Variants in ZNF738 observed in about 807,000 individuals in gnomAD.
ZNF738 encodes zinc finger protein 738, also known as protein ZNF738.
In ZNF738, 10 loss-of-function variants were observed where a neutral mutation model predicts 9.2. The ratio of observed to expected loss-of-function variants is 1.09; its 90% CI spans 0.67 to 1.85. ZNF738 has a LOEUF of 1.85. Among genes scored for constraint, ZNF738 ranks in the 40% most tolerant of loss-of-function variants. The probability of loss-of-function intolerance (pLI) is 0.00; values close to 1 mark genes in which losing one functional copy is unlikely to be tolerated. For missense variants in ZNF738, 346 were observed against 283.6 expected, an observed-to-expected ratio of 1.22 and a Z score of -1.58; for synonymous variants, 113 against 94.5, an observed-to-expected ratio of 1.20 and a Z score of -1.14.
At chr19:21,369,798 A>G (rs1973833082) in intron 2 of ZNF738, among the ~76,000 whole-genome samples, 1 of 150,356 alleles carries the variant, frequency 6.7e-6, no homozygotes, top group African/African-American at 2.4e-5. Context: ...GGGGCAATGT[A>G]ATGCTTCCAG....
chr19:21,366,551 A>T (rs577571971), intron 2 of ZNF738, among the ~76,000 whole-genome samples: 1 of 152,208 alleles, frequency 6.6e-6, no homozygotes, highest in African/African-American at 2.4e-5. Flanking sequence ...GTCTTGATCC[A>T]TACCCCAAGA....
rs1974039140 is a variant in ZNF738, at chr19:21,384,123, C to T, written c.*449C>T. 6.7e-7 allele frequency: 1 copy of T among 1,496,368 alleles called. No individual in the cohort carries two copies. Among genetic ancestry groups the T allele is most frequent in the East Asian group, 2.3e-5 (1 of 43,948 alleles). The allele number at this position is 1,496,368 out of a possible 1,614,324, so 92.7% of individuals were successfully genotyped here. A position where few individuals can be genotyped will look rare whatever the true frequency, so the allele number is the denominator to read the frequency against. The stretch of plus-strand genomic sequence containing the variant: ...CAAAGCTTTCTACCGATTATCTTAT[C>T]TTACTACACATAAGATGATTCATAC... On this transcript the variant is annotated 3_prime_UTR_variant, in exon 5 of 5. Coordinates refer to ENST00000683779, the MANE Select transcript of ZNF738 (RefSeq NM_001355237.2).
intron 4 of ZNF738, chr19:21,381,849 G>A (rs1448796386): frequency 3.6e-6 from 1 of 281,348 alleles, no homozygotes; most frequent in Non-Finnish European, 7.2e-6. Flanking sequence ...GTCAGGGTGA[G>A]GGCGGCCTGG....
Position 21,365,956 on chromosome 19 carries a change from C to CA in ZNF738, c.96+4110dup, listed in dbSNP as rs34286707. On this transcript the variant is annotated intron_variant, in intron 2 of 4. Coordinates refer to ENST00000683779, the MANE Select transcript of ZNF738 (RefSeq NM_001355237.2). ...TGGGTGACAGAGGGAGACTCCATCT[C>CA]AAAAAAAAAAAAGAATAGGAAACAT... 3.0e-3 allele frequency among the ~76,000 whole-genome samples: 425 copies of CA among 143,446 alleles called. 3 individuals are homozygous for CA. Among genetic ancestry groups the CA allele is most frequent in the South Asian group, 3.8e-3 (17 of 4,516 alleles). The allele number at this position is 143,446 out of a possible 152,430, so 94.1% of individuals were successfully genotyped here. A position where few individuals can be genotyped will look rare whatever the true frequency, so the allele number is the denominator to read the frequency against.
At chr19:21,369,587 T>C (rs1380420089) in intron 2 of ZNF738, among the ~76,000 whole-genome samples, 10 of 152,240 alleles carry the variant, frequency 6.6e-5, no homozygotes. Context: ...AGTTTCAATC[T>C]TCTACATAGT....
chr19:21,367,968 C>T (rs1426439840), intron 2 of ZNF738, among the ~76,000 whole-genome samples: 2 of 152,204 alleles, frequency 1.3e-5, no homozygotes, highest in East Asian at 1.9e-4. Context: ...TTATGGAGCA[C>T]CTGTTCATAA....
chr19:21,361,777 G>A lies in ZNF738; in HGVS notation c.15G>A (p.Arg5=), dbSNP rs1410022579. 3.8e-6 allele frequency: 3 copies of A among 780,762 alleles called. No homozygotes were observed. Among genetic ancestry groups the A allele is most frequent in the Non-Finnish European group, 7.2e-6 (3 of 417,994 alleles). The allele number at this position is 780,762 out of a possible 1,614,324, so 48.4% of individuals were successfully genotyped here. A position where few individuals can be genotyped will look rare whatever the true frequency, so the allele number is the denominator to read the frequency against. MDDL[R]YGVYPVKGAS... The stretch of plus-strand genomic sequence containing the variant: ...ATTTTCTCCCATAGGACGACCTGAG[G>A]TATGGAGTGTATCCTGTCAAGGGGG... The change falls in exon 2 of 5, where the codon AGG becomes AGA. Residue 5 remains arginine (R), a synonymous_variant. Transcript: ENST00000683779.
chr19:21,365,021 G>A (rs1158951127), intron 2 of ZNF738, among the ~76,000 whole-genome samples: 2 of 149,154 alleles, frequency 1.3e-5, no homozygotes, highest in Non-Finnish European at 3.0e-5. Context: ...GCCTCCCAAA[G>A]TGCTGGGATT....
intron 2 of ZNF738, among the ~76,000 whole-genome samples, chr19:21,371,225 AG>A (rs1184802475): frequency 6.6e-6 from 1 of 152,208 alleles, no homozygotes; most frequent in Non-Finnish European, 1.5e-5. Context: ...CCACCAAGGC[AG>A]TTCCATTTTC....
rs1195637263 is a variant in ZNF738, at chr19:21,384,535, C to G, written c.*861C>G. Among the ~76,000 whole-genome samples, 1 of 148,772 alleles carries G rather than the reference C, an allele frequency of 6.7e-6. No homozygotes were observed. Among genetic ancestry groups the G allele is most frequent in the Non-Finnish European group, 1.5e-5 (1 of 67,100 alleles). On this transcript the variant is annotated 3_prime_UTR_variant, in exon 5 of 5. Coordinates refer to ENST00000683779, the MANE Select transcript of ZNF738 (RefSeq NM_001355237.2). ...GAAAGTGGCAAAGCTTTTAACTGTT[C>G]CTCACAAATTACTAGACATAAGATA... is the stretch of plus-strand genomic sequence containing the variant.
Position 21,384,673 on chromosome 19 carries a change from G to A in ZNF738, c.*999G>A, listed in dbSNP as rs1030637485. On this transcript the variant is annotated 3_prime_UTR_variant, in exon 5 of 5. Transcript: ENST00000683779. Reference sequence around the variant, plus strand: ...CATACTGGAGAGAAACCCTACAAATGTGAAGAATGTGGAAAAGCTTTTAAC... The same window carrying A: ...CATACTGGAGAGAAACCCTACAAATATGAAGAATGTGGAAAAGCTTTTAAC... Among the ~76,000 whole-genome samples the A allele has an allele frequency of 1.4e-5, 2 of 146,106 alleles. No individual in the cohort carries two copies. The highest frequency in any genetic ancestry group is 2.5e-5 in the African/African-American group (1 of 39,562).
At chr19:21,363,257 C>G (rs992756983) in intron 2 of ZNF738, among the ~76,000 whole-genome samples, 2 of 152,096 alleles carry the variant, frequency 1.3e-5, no homozygotes, top group Non-Finnish European at 2.9e-5. Context: ...ATTTTTCAAA[C>G]AACTTAGTTT....
chr19:21,373,553 T>C (rs1973883572), intron 2 of ZNF738, among the ~76,000 whole-genome samples: 1 of 152,324 alleles, frequency 6.6e-6, no homozygotes, highest in East Asian at 1.9e-4. Flanking sequence ...CATATTTTTA[T>C]ATTCATTGAG....
At chr19:21,363,559 TTGTAATA>T (rs1386697543) in intron 2 of ZNF738, among the ~76,000 whole-genome samples, 1 of 152,050 alleles carries the variant, frequency 6.6e-6, no homozygotes, top group Non-Finnish European at 1.5e-5. Context: ...TTTCTAGACT[TTGTAATA>T]TGTTATAAAG....
chr19:21,380,442 G>A (rs1265408784), intron 4 of ZNF738, among the ~76,000 whole-genome samples: 1 of 152,140 alleles, frequency 6.6e-6, no homozygotes, highest in Non-Finnish European at 1.5e-5. Flanking sequence ...GTGGAGTGGG[G>A]GTGGACAGGA....
At position 21,383,076 on chromosome 19, in the gene ZNF738, A is replaced by C. The variant is rs1409546416; in HGVS notation, c.530A>C (p.Gln177Pro). 4.6e-6 allele frequency: 6 copies of C among 1,310,288 alleles called. No individual in the cohort carries two copies. The South Asian group carries it at 5.9e-5, about 13-fold the overall frequency. 81.2% of individuals were successfully genotyped at this position (1,310,288 alleles called of 1,614,324 possible). A position where few individuals can be genotyped will look rare whatever the true frequency, so the allele number is the denominator to read the frequency against. The change falls in exon 5 of 5, where the codon CAA becomes CCA. Residue 177 changes from glutamine to proline, a missense_variant. Gln to Pro is a moderately conservative substitution (Grantham distance 76, BLOSUM62 -1). Coordinates refer to ENST00000683779, the MANE Select transcript of ZNF738 (RefSeq NM_001355237.2). The stretch of plus-strand genomic sequence containing the variant: ...ACAACTACCCAGAGCAAAATATTTC[A>C]ATGTGATAAATATGTGAAAGTCTTT... ...YLTTTQSKIF[Q>P]CDKYVKVFHK...
At chr19:21,382,357 G>C (rs1472353898) in intron 4 of ZNF738, among the ~76,000 whole-genome samples, 2 of 151,882 alleles carry the variant, frequency 1.3e-5, no homozygotes, top group African/African-American at 4.8e-5. Flanking sequence ...TTCTGCCTCA[G>C]CCTTCTGAGT....
At chr19:21,377,412 A>T (rs758757360) in intron 4 of ZNF738, 5 of 706,012 alleles carry the variant, frequency 7.1e-6, no homozygotes, top group Non-Finnish European at 1.3e-5. Context: ...GAAATTTCCT[A>T]CTATAATTAT....
rs551688245 is a variant in ZNF738, at chr19:21,359,331, C to T, written c.3+188C>T. 1.2e-3 allele frequency among the ~76,000 whole-genome samples: 177 copies of T among 152,316 alleles called. No individual in the cohort carries two copies. In the South Asian group the frequency reaches 0.013, roughly 11 times the overall value. On this transcript the variant is annotated intron_variant, in intron 1 of 4. Transcript: ENST00000683779. ...GCGGTTGCGCCGACAGCCCGGCCCC[C>T]GGGCGTCCTGTCTCTTCCCTGCATA...
Sources: allele counts gnomAD v4.1 joint callset (sites outside exome capture counted in the v4.1 genomes callset), GRCh38; gene constraint gnomAD v4.1.1; transcripts MANE v1.5; gene names NCBI Gene and HGNC (gene_info 2026-07-23, HGNC 2026-07-21).